JADE2: variants seen among roughly 807,000 people sequenced by gnomAD.
JADE2 encodes jade family PHD finger 2, also known as E3 ubiquitin-protein ligase Jade-2.
In JADE2, 13 loss-of-function variants were observed where a neutral mutation model predicts 85.7. That is an observed-to-expected ratio of 0.15 (90% CI 0.10 to 0.24). The LOEUF is 0.24. JADE2 is among the 10% of genes least tolerant of loss of function. The pLI is 1.00. For synonymous variants in JADE2, 440 were observed against 456.1 expected (o/e 0.96, Z 0.45); for missense variants, 846 against 1,115.9 (o/e 0.76, Z 3.45).
chr5:134,541,816 A>G (rs969592216), intron 3 of JADE2, among the ~76,000 whole-genome samples: 1 of 152,230 alleles, frequency 6.6e-6, no homozygotes, highest in South Asian at 2.1e-4. Context: ...GCCCTTTCCC[A>G]GTGCACCCTA....
At chr5:134,553,043 G>A (rs1169474426) in intron 4 of JADE2, among the ~76,000 whole-genome samples, 2 of 143,420 alleles carry the variant, frequency 1.4e-5, no homozygotes, top group Non-Finnish European at 3.0e-5. Context: ...ACCCAGGCTG[G>A]AGTGCAGTGG....
At chr5:134,568,107 C>T (rs1763760154) in intron 9 of JADE2, among the ~76,000 whole-genome samples, 1 of 152,202 alleles carries the variant, frequency 6.6e-6, no homozygotes, top group South Asian at 2.1e-4. Context: ...CCTCTCTGTT[C>T]TGTGCTGGTC....
chr5:134,530,281 T>C (rs1189379822), intron 1 of JADE2, among the ~76,000 whole-genome samples: 5 of 152,262 alleles, frequency 3.3e-5, no homozygotes, highest in Non-Finnish European at 7.3e-5. Context: ...TAGCATCTTA[T>C]TACACACACG....
chr5:134,544,499 G>A (rs939048112), intron 3 of JADE2: 7 of 166,950 alleles, frequency 4.2e-5, no homozygotes, highest in Non-Finnish European at 7.3e-5. Flanking sequence ...ACTCCTTCCC[G>A]AGACTCATGG....
chr5:134,553,884 C>G (rs961055182), intron 4 of JADE2, among the ~76,000 whole-genome samples: 3 of 152,224 alleles, frequency 2.0e-5, no homozygotes, highest in African/African-American at 7.2e-5. Context: ...GGCCCTGGGT[C>G]TTGCCTCCAG....
rs1669365643 is a variant in JADE2 at position 134,562,491 on chromosome 5, G to A, written c.852+124G>A. The A allele has an allele frequency of 8.9e-6, 9 of 1,011,526 alleles. No individual in the cohort carries two copies. Among genetic ancestry groups the A allele is most frequent in the South Asian group, 3.5e-5 (2 of 56,502 alleles). The allele number at this position is 1,011,526 out of a possible 1,614,324, so 62.7% of individuals were successfully genotyped here. On this transcript the variant is annotated intron_variant, in intron 7 of 11. Transcript: ENST00000681547. The surrounding 1 kb of genome is among the most constrained non-coding windows in gnomAD (Gnocchi z 4.6). ...GGACTCGCACTAAAACACTGAGATC[G>A]GCCGGGCGCGGTGGCTCACGCCTGT...
At position 134,566,218 on chromosome 5, in the gene JADE2, A is replaced by C; in HGVS notation, c.1072A>C (p.Lys358Gln). The C allele has an allele frequency of 6.2e-7, 1 of 1,614,140 alleles. No homozygotes were observed. Among genetic ancestry groups the C allele is most frequent in the Non-Finnish European group, 8.5e-7 (1 of 1,180,030 alleles). The change falls in exon 9 of 12, where the codon AAG becomes CAG. Residue 358 changes from lysine (K) to glutamine (Q), a missense_variant. Lys to Gln is a moderately conservative substitution (Grantham distance 53). Transcript: ENST00000681547. This position sits in a 1 kb window ranked among gnomAD's most constrained non-coding sequence, Gnocchi z 6.7. ...AGCAGACAACGATGAGGTCAAGTTCAAGTCATTCTGCCAGGAGCACAGTGA... is the reference window on the plus strand; with the variant it reads ...AGCAGACAACGATGAGGTCAAGTTCCAGTCATTCTGCCAGGAGCACAGTGA... The part of the protein sequence containing the change: ...ILADNDEVKF[K>Q]SFCQEHSDGG...
intron 1 of JADE2, among the ~76,000 whole-genome samples, chr5:134,529,628 T>C (rs1243401336): frequency 6.6e-6 from 1 of 152,244 alleles, no homozygotes; most frequent in African/African-American, 2.4e-5. Flanking sequence ...ACGTGATTAG[T>C]ATTAGTCATC....
chr5:134,552,029 C>T (rs764196201), intron 3 of JADE2, 23 bp from the exon 4 acceptor site: 1 of 1,614,156 alleles, frequency 6.2e-7, no homozygotes, highest in Non-Finnish European at 8.5e-7. Flanking sequence ...TGAAGTCACT[C>T]TTTCCCCTCT....
rs1763640513 is a variant in JADE2, at chr5:134,566,337, G to A, written c.1191G>A (p.Leu397=). The A allele has an allele frequency of 1.9e-6, 3 of 1,613,898 alleles. No homozygotes were observed. The South Asian group carries it at 3.3e-5, about 18-fold the overall frequency. ...AGGTGACCCTGCGCAAGCAGCGGCT[G>A]CAGCAGCTAGAGGAGGACTTCTACG... ...LEKVTLRKQR[L]QQLEEDFYEL... is the part of the protein sequence containing the mutation. Residue 397 remains leucine, a synonymous_variant, in exon 9 of 12, where the codon CTG becomes CTA. Coordinates refer to ENST00000681547, the MANE Select transcript of JADE2 (RefSeq NM_001388185.1). The surrounding 1 kb of genome is among the most constrained non-coding windows in gnomAD (Gnocchi z 6.7).
intron 1 of JADE2, among the ~76,000 whole-genome samples, chr5:134,529,783 G>A (rs912293141): frequency 2.6e-5 from 4 of 152,244 alleles, no homozygotes; most frequent in African/African-American, 9.6e-5. Context: ...ATGGGAGCGA[G>A]TAGACGGAGC....
chr5:134,565,566 C>T (rs1052330322), intron 8 of JADE2, among the ~76,000 whole-genome samples: 4 of 152,132 alleles, frequency 2.6e-5, no homozygotes, highest in Admixed American at 1.3e-4. Context: ...AGCTTGAGGC[C>T]AGGCACGGTG....
chr5:134,525,788 C>G lies in JADE2; in HGVS notation c.-224C>G. 1 of 1,130,002 alleles carries G rather than the reference C, an allele frequency of 8.8e-7. No homozygotes were observed. 70.0% of individuals were successfully genotyped at this position (1,130,002 alleles called of 1,614,324 possible). On this transcript the variant is annotated 5_prime_UTR_variant, in exon 1 of 12. Coordinates refer to ENST00000681547, the MANE Select transcript of JADE2 (RefSeq NM_001388185.1). ...TACTTTGCGCCCACTCCTAGCGGCA[C>G]CGGCTTAGGTCCTGCGGGCCGACCG...
chr5:134,526,248 AG>A, intron 1 of JADE2: 1 of 985,076 alleles, frequency 1.0e-6, no homozygotes, highest in African/African-American at 1.7e-5. Flanking sequence ...CAGTGCGGGG[AG>A]GCTGAGAGGG....
rs1358397407 is a variant in JADE2, at chr5:134,580,465, T to A, written c.*1148T>A. On this transcript the variant is annotated 3_prime_UTR_variant, in exon 12 of 12. Transcript: ENST00000681547. ...TGCCATCCCCCCCCGCCGTCCTGCC[T>A]TCCCCACCCCACCCTTAGGTCCCAG... The A allele has an allele frequency of 1.5e-5, 1 of 64,616 alleles. No homozygotes were observed. Among genetic ancestry groups the A allele is most frequent in the South Asian group, 5.7e-4 (1 of 1,748 alleles). The allele number at this position is 64,616 out of a possible 1,614,324, so 4.0% of individuals were successfully genotyped here.
chr5:134,531,162 C>T (rs1761209613), intron 1 of JADE2, among the ~76,000 whole-genome samples: 1 of 152,146 alleles, frequency 6.6e-6, no homozygotes, highest in Non-Finnish European at 1.5e-5. Flanking sequence ...ATGCATAGAC[C>T]ACATAGAAGA....
intron 4 of JADE2, 81 bp from the exon 5 acceptor site, chr5:134,559,749 T>G (rs987519504): frequency 7.0e-7 from 1 of 1,428,378 alleles, no homozygotes; most frequent in African/African-American, 1.4e-5. Flanking sequence ...GCTCCTGAGC[T>G]GGACTGGTCA....
chr5:134,550,049 C>G (rs1055804585), intron 3 of JADE2, among the ~76,000 whole-genome samples: 1 of 152,252 alleles, frequency 6.6e-6, no homozygotes, highest in Non-Finnish European at 1.5e-5. Context: ...CCTGAGTGTG[C>G]CCTTTTGCAT....
intron 3 of JADE2, among the ~76,000 whole-genome samples, chr5:134,546,448 T>G (rs1762296736): frequency 1.3e-5 from 2 of 152,190 alleles, no homozygotes; most frequent in African/African-American, 4.8e-5. Flanking sequence ...GCTTGACTAT[T>G]AGAAGAGATG....
Sources: gnomAD v4.1 joint callset for allele counts (sites outside exome capture counted in the v4.1 genomes callset) on GRCh38, gnomAD v4.1.1 for gene constraint, Gnocchi (gnomAD v3.1) non-coding constraint, MANE v1.5 for transcripts, NCBI Gene and HGNC (gene_info 2026-07-23, HGNC 2026-07-21) for gene names.